The following ATR variants were observed in gnomAD, a reference collection of about 807,000 sequenced individuals.
ATR encodes serine/threonine-protein kinase ATR.
Under a neutral mutation model 305.3 loss-of-function variants are expected in ATR, and 142 were observed. That is an observed-to-expected ratio of 0.47 (90% CI 0.41 to 0.53). ATR has a LOEUF of 0.53. ATR is among the 20% of genes least tolerant of loss of function. ATR has a pLI of 0.00. For synonymous variants in ATR, 1,050 were observed against 1,068.1 expected, an observed-to-expected ratio of 0.98 and a Z score of 0.33; for missense variants, 2,135 against 3,133.1, an observed-to-expected ratio of 0.68 and a Z score of 7.60.
In ATR at chr3:142,566,303, A is replaced by G. The variant is rs199777924; in HGVS notation, c.152-42T>C. 1.7e-4 allele frequency: 278 copies of G among 1,600,370 alleles called. 2 individuals are homozygous for G. The African/African-American group carries it at 3.5e-3, about 20-fold the overall frequency. On this transcript the variant is annotated intron_variant, in intron 2 of 46. Coordinates refer to ENST00000350721, the MANE Select transcript of ATR (RefSeq NM_001184.4). ...CATTTTAAAGAGTCATGACAAATTAAACAATGGTCCTTTTGTTAAGAAACC... is the reference window on the plus strand; with the variant it reads ...CATTTTAAAGAGTCATGACAAATTAGACAATGGTCCTTTTGTTAAGAAACC...
At chr3:142,449,982 T>C in intron 46 of ATR, 1 of 325,076 alleles carries the variant, frequency 3.1e-6, no homozygotes. Flanking sequence ...TGTTAGTACA[T>C]GCAAATGGGT....
At chr3:142,539,539 G>C (rs1025164820) in intron 18 of ATR, among the ~76,000 whole-genome samples, 1 of 152,064 alleles carries the variant, frequency 6.6e-6, no homozygotes, top group Non-Finnish European at 1.5e-5. Flanking sequence ...AACTTCACTG[G>C]AGGTTGCTAC....
chr3:142,449,720 G>T, intron 46 of ATR, 118 bp from the exon 47 acceptor site: 1 of 1,079,826 alleles, frequency 9.3e-7, no homozygotes, highest in Non-Finnish European at 1.4e-6. Flanking sequence ...TACCCCTTTT[G>T]TAAGAGCAAA....
rs373148702 is a variant in ATR at position 142,558,685 on chromosome 3, T to G, written c.1824A>C (p.Leu608Phe). Reference protein sequence around the residue: ...WIYSHSDDGCLKLTTFAANLL... With the variant: ...WIYSHSDDGCFKLTTFAANLL... ...GATTAGCGGCAAATGTGGTCAACTTTAAACAGCCATCATCAGAATGGGAAT... is the reference window on the plus strand; with the variant it reads ...GATTAGCGGCAAATGTGGTCAACTTGAAACAGCCATCATCAGAATGGGAAT... Residue 608 changes from leucine to phenylalanine, a missense_variant, in exon 8 of 47, where the codon TTA becomes TTC. Transcript: ENST00000350721. 1 of 1,613,264 alleles carries G rather than the reference T, an allele frequency of 6.2e-7. No individual in the cohort carries two copies. The highest frequency in any genetic ancestry group is 8.5e-7 in the Non-Finnish European group (1 of 1,179,532).
intron 36 of ATR, among the ~76,000 whole-genome samples, chr3:142,471,702 G>A (rs2071272621): frequency 6.6e-6 from 1 of 152,128 alleles, no homozygotes; most frequent in Non-Finnish European, 1.5e-5. Context: ...GCTAAACCAA[G>A]CTAACTCACG....
At chr3:142,538,904 T>G (rs563182556) in intron 18 of ATR, among the ~76,000 whole-genome samples, 1 of 152,266 alleles carries the variant, frequency 6.6e-6, no homozygotes, top group South Asian at 2.1e-4. Context: ...AGAGGGTGGA[T>G]ATACAAAAAT....
At chr3:142,516,818 C>T (rs923348478) in intron 24 of ATR, among the ~76,000 whole-genome samples, 1 of 151,930 alleles carries the variant, frequency 6.6e-6, no homozygotes, top group Admixed American at 6.6e-5. Context: ...TCAACATGAC[C>T]CTTTCTATTT....
chr3:142,571,670 C>T (rs1577719356), intron 1 of ATR, among the ~76,000 whole-genome samples: 1 of 152,106 alleles, frequency 6.6e-6, no homozygotes. Context: ...GCATATATTT[C>T]ATATATGTCA....
rs1365466353 is a variant in ATR at position 142,505,077 on chromosome 3, G to C, written c.5196+62C>G. 7 of 1,590,060 alleles carry C rather than the reference G, an allele frequency of 4.4e-6. No homozygotes were observed. The East Asian group carries it at 1.3e-4, about 30-fold the overall frequency. On this transcript the variant is annotated intron_variant, in intron 29 of 46. Transcript: ENST00000350721. ...AACAAAACAAAACAAAAAAAACTAA[G>C]GTTTCCAGAGTTCCTATTCAGGGCT...
chr3:142,453,160 G>A lies in ATR; in HGVS notation c.7729C>T (p.Leu2577=), dbSNP rs2070829616. 6.2e-7 allele frequency: 1 copy of A among 1,614,044 alleles called. No individual in the cohort carries two copies. The highest frequency in any genetic ancestry group is 1.1e-5 in the South Asian group (1 of 91,074). Residue 2577 remains leucine, a synonymous_variant, in exon 46 of 47, where the codon CTG becomes TTG. Transcript: ENST00000350721. ...TTGACAACTTCTCCAGTTTCATTCA[G>A]TGGCGCTTTGGAATGCCCTTTCACT... is the stretch of plus-strand genomic sequence containing the variant. ...KPVKGHSKAP[L]NETGEVVNEK...
chr3:142,449,849 G>T, intron 46 of ATR: 1 of 516,880 alleles, frequency 1.9e-6, no homozygotes. Flanking sequence ...AAATACCAGG[G>T]AATTATTTAC....
intron 42 of ATR, 99 bp from the exon 43 acceptor site, chr3:142,459,482 C>G: frequency 7.5e-7 from 1 of 1,331,992 alleles, no homozygotes; most frequent in Non-Finnish European, 1.1e-6. Flanking sequence ...TACTTTTATT[C>G]AAATTGTTAT....
chr3:142,511,587 T>C (rs182764819), intron 27 of ATR, among the ~76,000 whole-genome samples: 8 of 151,024 alleles, frequency 5.3e-5, no homozygotes, highest in Middle Eastern at 3.6e-3. Flanking sequence ...ACCCAGGAGG[T>C]AGAGGTTGCA....
At chr3:142,558,557 AATAGATAG>A (rs780538224) in intron 8 of ATR, 59 bp downstream of exon 8, 67 of 620,204 alleles carry the variant, frequency 1.1e-4, no homozygotes, top group Middle Eastern at 6.3e-4. Context: ...TAAATAAATA[AATAGATAG>A]ATAGATAGAT....
intron 15 of ATR, 38 bp from the exon 16 acceptor site, chr3:142,547,948 A>C (rs2108452146): frequency 6.4e-7 from 1 of 1,565,326 alleles, no homozygotes; most frequent in African/African-American, 1.4e-5. Context: ...TTTTTTCTTC[A>C]TACTAATATC....
At chr3:142,519,085 A>AT (rs2108387317) in intron 24 of ATR, among the ~76,000 whole-genome samples, 1 of 152,254 alleles carries the variant, frequency 6.6e-6, no homozygotes, top group East Asian at 1.9e-4. Context: ...CTTAAAGTAT[A>AT]TTCTTTCAAT....
At chr3:142,555,336 T>C (rs767835346) in intron 10 of ATR, among the ~76,000 whole-genome samples, 13 of 147,042 alleles carry the variant, frequency 8.8e-5, no homozygotes, top group African/African-American at 1.2e-4. Context: ...GTACTTTCTA[T>C]TGCTTTCAAT....
At chr3:142,496,730 A>C (rs535574326) in intron 33 of ATR, among the ~76,000 whole-genome samples, 1 of 152,244 alleles carries the variant, frequency 6.6e-6, no homozygotes, top group South Asian at 2.1e-4. Context: ...AACTTTTCTT[A>C]CAGTGTTCTG....
In ATR at chr3:142,542,656, A is replaced by G; in HGVS notation, c.3450+9T>C. The G allele has an allele frequency of 6.2e-7, 1 of 1,606,504 alleles. No individual in the cohort carries two copies. Among genetic ancestry groups the G allele is most frequent in the Non-Finnish European group, 8.5e-7 (1 of 1,173,530 alleles). The stretch of plus-strand genomic sequence containing the variant: ...TCTATCTTAGCACTCTGGAACTATC[A>G]CCACTTACCATTTTCTTATCTTCAA... On this transcript the variant is annotated intron_variant, in intron 17 of 46. Coordinates refer to ENST00000350721, the MANE Select transcript of ATR (RefSeq NM_001184.4).
Sources: gnomAD v4.1 joint callset for allele counts (sites outside exome capture counted in the v4.1 genomes callset) on GRCh38, gnomAD v4.1.1 for gene constraint, MANE v1.5 for transcripts, NCBI Gene and HGNC (gene_info 2026-07-23, HGNC 2026-07-21) for gene names.